PDSS2: variants seen among roughly 807,000 people sequenced by gnomAD.
PDSS2 encodes the protein all trans-polyprenyl-diphosphate synthase PDSS2.
A neutral mutation model predicts 44.5 loss-of-function variants in PDSS2; 31 were observed. The ratio of observed to expected loss-of-function variants is 0.70; its 90% CI spans 0.52 to 0.94. The LOEUF (loss-of-function observed/expected upper bound fraction) is 0.94, where lower values mean the gene tolerates loss of function less well. Ranked by LOEUF, PDSS2 falls within the 40% of genes least tolerant of loss-of-function variation. PDSS2 has a pLI of 0.00. For missense variants in PDSS2, 452 were observed against 482.2 expected, an observed-to-expected ratio of 0.94 and a Z score of 0.59; for synonymous variants, 157 against 180.3, an observed-to-expected ratio of 0.87 and a Z score of 1.03.
chr6:107,444,101 T>A (rs1444667894), intron 1 of PDSS2, among the ~76,000 whole-genome samples: 1 of 152,178 alleles, frequency 6.6e-6, no homozygotes, highest in Non-Finnish European at 1.5e-5. Flanking sequence ...CAATCACGGC[T>A]CACTGCAGTC....
chr6:107,386,061 C>T (rs1299740792), intron 1 of PDSS2, among the ~76,000 whole-genome samples: 1 of 152,080 alleles, frequency 6.6e-6, no homozygotes, highest in Non-Finnish European at 1.5e-5. Flanking sequence ...CCTCTTTATT[C>T]TCTAGTGTGT....
At chr6:107,269,742 C>A in intron 3 of PDSS2, among the ~76,000 whole-genome samples, 1 of 151,964 alleles carries the variant, frequency 6.6e-6, no homozygotes, top group East Asian at 1.9e-4. Flanking sequence ...GCTCACTGAA[C>A]TGAAACCTCC....
chr6:107,364,454 G>A (rs1341957572), intron 1 of PDSS2, among the ~76,000 whole-genome samples: 1 of 152,232 alleles, frequency 6.6e-6, no homozygotes, highest in African/African-American at 2.4e-5. Flanking sequence ...ACTGCTGGGG[G>A]ACTCAGTACA....
chr6:107,196,309 C>T (rs1772561683), intron 6 of PDSS2, among the ~76,000 whole-genome samples: 1 of 152,236 alleles, frequency 6.6e-6, no homozygotes, highest in South Asian at 2.1e-4. Context: ...GACCTAGCTA[C>T]TCACTTTGAT....
At chr6:107,218,844 G>A (rs542193369) in intron 4 of PDSS2, among the ~76,000 whole-genome samples, 1 of 152,258 alleles carries the variant, frequency 6.6e-6, no homozygotes, top group East Asian at 1.9e-4. Flanking sequence ...GATCACCTGA[G>A]GTCAGGAGTT....
chr6:107,216,580 T>C (rs527646058), intron 4 of PDSS2, among the ~76,000 whole-genome samples: 1 of 152,228 alleles, frequency 6.6e-6, no homozygotes, highest in South Asian at 2.1e-4. Context: ...TAAAATACTA[T>C]TGCAGGAACA....
intron 1 of PDSS2, 77 bp downstream of exon 1, chr6:107,458,913 G>C: frequency 7.7e-7 from 1 of 1,292,992 alleles, no homozygotes; most frequent in South Asian, 1.2e-5. Context: ...GTCTGAGAGA[G>C]CTAGAATGCG....
intron 6 of PDSS2, among the ~76,000 whole-genome samples, chr6:107,194,950 T>C (rs561652769): frequency 5.3e-5 from 8 of 150,888 alleles, no homozygotes; most frequent in African/African-American, 1.7e-4. Flanking sequence ...CAAGACTCCA[T>C]CTCAAAAAAA....
chr6:107,227,278 CTTTTTTT>C lies in PDSS2; in HGVS notation c.703-15003_703-14997del, dbSNP rs60988844. 1.8e-3 allele frequency among the ~76,000 whole-genome samples: 183 copies of C among 102,776 alleles called. 3 individuals carry two copies. The highest frequency in any genetic ancestry group is 2.3e-3 in the Non-Finnish European group (113 of 48,762). The allele number at this position is 102,776 out of a possible 152,430, so 67.4% of individuals were successfully genotyped here. The stretch of plus-strand genomic sequence containing the variant: ...GATTATAGGTGTAAGCCACTGTGCC[CTTTTTTT>C]TTTTTTTTTTTTTTTTTTTTTGAGA... On this transcript the variant is annotated intron_variant, in intron 4 of 7. Coordinates refer to ENST00000369037, the MANE Select transcript of PDSS2 (RefSeq NM_020381.4).
chr6:107,183,723 C>A (rs900447581), intron 7 of PDSS2, among the ~76,000 whole-genome samples: 2 of 152,042 alleles, frequency 1.3e-5, no homozygotes, highest in African/African-American at 4.8e-5. Flanking sequence ...CATGGTGAAA[C>A]CCCGTCTCTA....
intron 5 of PDSS2, 80 bp downstream of exon 5, chr6:107,212,029 C>G: frequency 8.5e-7 from 1 of 1,180,850 alleles, no homozygotes; most frequent in East Asian, 2.3e-5. Context: ...ATAAAAGAAG[C>G]TTATTAAATG....
chr6:107,218,660 G>T (rs545363871), intron 4 of PDSS2, among the ~76,000 whole-genome samples: 17 of 152,128 alleles, frequency 1.1e-4, no homozygotes, highest in Non-Finnish European at 1.8e-4. Flanking sequence ...TCTTAGGTGG[G>T]CAATAAATAT....
chr6:107,176,516 T>A (rs973180547), intron 7 of PDSS2, among the ~76,000 whole-genome samples: 2 of 152,132 alleles, frequency 1.3e-5, no homozygotes, highest in Non-Finnish European at 2.9e-5. Flanking sequence ...TTTATCAATT[T>A]TACTGTTTTC....
chr6:107,240,008 A>T (rs1277314692), intron 4 of PDSS2, among the ~76,000 whole-genome samples: 1 of 152,206 alleles, frequency 6.6e-6, no homozygotes, highest in Non-Finnish European at 1.5e-5. Context: ...CAGGTCTGTG[A>T]ATCCAAAGTC....
At chr6:107,303,397 G>C (rs1469059918) in intron 2 of PDSS2, among the ~76,000 whole-genome samples, 2 of 152,050 alleles carry the variant, frequency 1.3e-5, no homozygotes, top group East Asian at 3.9e-4. Flanking sequence ...TCCCCACTAG[G>C]TTCATCATCC....
At chr6:107,202,275 G>T (rs898862155) in intron 6 of PDSS2, among the ~76,000 whole-genome samples, 2 of 152,056 alleles carry the variant, frequency 1.3e-5, no homozygotes, top group African/African-American at 4.8e-5. Flanking sequence ...CTGGCCTCAA[G>T]CAATCCTCCC....
intron 3 of PDSS2, among the ~76,000 whole-genome samples, chr6:107,247,114 A>G (rs1774647612): frequency 6.6e-6 from 1 of 152,196 alleles, no homozygotes; most frequent in African/African-American, 2.4e-5. Flanking sequence ...AACTAAACGC[A>G]CAGCATCAGA....
At chr6:107,252,466 G>A (rs991530424) in intron 3 of PDSS2, among the ~76,000 whole-genome samples, 3 of 152,160 alleles carry the variant, frequency 2.0e-5, no homozygotes, top group Non-Finnish European at 2.9e-5. Flanking sequence ...AGGGGGTAGC[G>A]AAGAGAGAGA....
intron 2 of PDSS2, among the ~76,000 whole-genome samples, chr6:107,327,720 G>A (rs920630804): frequency 6.6e-6 from 1 of 152,206 alleles, no homozygotes; most frequent in African/African-American, 2.4e-5. Flanking sequence ...GCCTCCCAAA[G>A]TGCTGGGATT....
Sources: allele counts gnomAD v4.1 joint callset (sites outside exome capture counted in the v4.1 genomes callset), GRCh38; gene constraint gnomAD v4.1.1; transcripts MANE v1.5; gene names NCBI Gene and HGNC (gene_info 2026-07-23, HGNC 2026-07-21).